Variants in ZNF407 observed in about 807,000 individuals in gnomAD.
The protein encoded by ZNF407 is zinc finger protein 407.
A neutral mutation model predicts 131.2 loss-of-function variants in ZNF407; 17 were observed. The ratio of observed to expected loss-of-function variants is 0.13; its 90% CI spans 0.09 to 0.19. ZNF407 has a LOEUF of 0.19. ZNF407 is among the 10% of genes least tolerant of loss of function. ZNF407 has a pLI of 1.00. For missense variants in ZNF407, 2,681 were observed against 2,830.6 expected (o/e 0.95, Z 1.20); for synonymous variants, 1,156 against 1,062.0 (o/e 1.09, Z -1.72).
At chr18:75,036,762 C>A (rs1430466162) in intron 8 of ZNF407, among the ~76,000 whole-genome samples, 2 of 152,176 alleles carry the variant, frequency 1.3e-5, no homozygotes, top group African/African-American at 4.8e-5. Context: ...AGAAACCCTG[C>A]AATTTATATG....
At chr18:74,941,439 C>A (rs1311186226) in intron 8 of ZNF407, among the ~76,000 whole-genome samples, 3 of 152,134 alleles carry the variant, frequency 2.0e-5, no homozygotes, top group Non-Finnish European at 2.9e-5. Context: ...GTAGCTCCAG[C>A]TTGTAGTAGG....
intron 3 of ZNF407, among the ~76,000 whole-genome samples, chr18:74,739,229 G>A (rs1337488661): frequency 6.6e-6 from 1 of 151,122 alleles, no homozygotes; most frequent in Non-Finnish European, 1.5e-5. Context: ...TTTGAATTTA[G>A]GCATATCCAG....
chr18:74,630,239 C>T (rs1428073614), intron 1 of ZNF407, among the ~76,000 whole-genome samples: 1 of 145,644 alleles, frequency 6.9e-6, no homozygotes, highest in African/African-American at 2.6e-5. Flanking sequence ...GGTGCAATCT[C>T]GGCTCACTGC....
At chr18:74,900,057 A>T (rs1467853600) in intron 7 of ZNF407, among the ~76,000 whole-genome samples, 1 of 152,304 alleles carries the variant, frequency 6.6e-6, no homozygotes, top group South Asian at 2.1e-4. Flanking sequence ...TCTGAAATGT[A>T]CTTTAATGTT....
intron 8 of ZNF407, among the ~76,000 whole-genome samples, chr18:74,930,340 C>T (rs1406239769): frequency 6.6e-6 from 1 of 152,186 alleles, no homozygotes; most frequent in Non-Finnish European, 1.5e-5. Context: ...GTCCGCCTGG[C>T]CCATGGAGTG....
In ZNF407 at chr18:74,635,100, A is replaced by G. The variant is rs746807695; in HGVS notation, c.4081A>G (p.Ile1361Val). 115 of 1,613,838 alleles carry G rather than the reference A, an allele frequency of 7.1e-5. No individual in the cohort carries two copies. Among genetic ancestry groups the G allele is most frequent in the Admixed American group, 1.0e-4 (6 of 59,996 alleles). ...TTTTGGTCGATTTGACTCCTCCATA[A>G]TAAGAATAAAGAACCCTGAAGATGG... ...YSFGRFDSSI[I>V]RIKNPEDGEL... Residue 1361 changes from isoleucine to valine, a missense_variant, in exon 2 of 9, where the codon ATA (isoleucine) becomes GTA (valine). By Grantham distance (29) the Ile-to-Val change is conservative (BLOSUM62 3). Coordinates refer to ENST00000299687, the MANE Select transcript of ZNF407 (RefSeq NM_017757.3). The surrounding 1 kb of genome is among the most constrained non-coding windows in gnomAD (Gnocchi z 4.7).
chr18:74,854,694 A>G (rs1970834284), intron 4 of ZNF407, among the ~76,000 whole-genome samples: 1 of 152,132 alleles, frequency 6.6e-6, no homozygotes, highest in South Asian at 2.1e-4. Context: ...AACAATATAT[A>G]TTACACACCC....
In ZNF407 at chr18:75,063,274, A is replaced by G; in HGVS notation, c.5553A>G (p.Arg1851=). 6.2e-7 allele frequency: 1 copy of G among 1,613,654 alleles called. No individual in the cohort carries two copies. The highest frequency in any genetic ancestry group is 8.5e-7 in the Non-Finnish European group (1 of 1,179,864). ...EEPLVKEKPL[R]SSRRPAPPPE... ...CCCTCGTCAAGGAGAAGCCCCTCAGAAGCAGCAGGAGGCCAGCGCCGCCCC... is the reference window on the plus strand; with the variant it reads ...CCCTCGTCAAGGAGAAGCCCCTCAGGAGCAGCAGGAGGCCAGCGCCGCCCC... The change falls in exon 9 of 9, where the codon AGA becomes AGG. Residue 1851 remains arginine, a synonymous_variant. Coordinates refer to ENST00000299687, the MANE Select transcript of ZNF407 (RefSeq NM_017757.3). This position sits in a 1 kb window ranked among gnomAD's most constrained non-coding sequence, Gnocchi z 6.6.
intron 5 of ZNF407, among the ~76,000 whole-genome samples, chr18:74,879,950 G>A (rs1050313321): frequency 2.0e-5 from 3 of 152,166 alleles, no homozygotes; most frequent in African/African-American, 7.2e-5. Flanking sequence ...CACAAGTTAA[G>A]TTTCTATTAT....
chr18:74,695,242 G>A (rs1967323000), intron 3 of ZNF407, among the ~76,000 whole-genome samples: 1 of 152,158 alleles, frequency 6.6e-6, no homozygotes, highest in South Asian at 2.1e-4. Flanking sequence ...ATATGTTGCT[G>A]AAATTAGCTG....
chr18:74,894,691 A>G (rs894515718), intron 7 of ZNF407, among the ~76,000 whole-genome samples: 3 of 152,164 alleles, frequency 2.0e-5, no homozygotes, highest in Non-Finnish European at 4.4e-5. Context: ...TAAAGCACTG[A>G]TAAGTCATGA....
intron 4 of ZNF407, among the ~76,000 whole-genome samples, chr18:74,814,007 A>G (rs1246525067): frequency 5.3e-5 from 8 of 152,114 alleles, no homozygotes; most frequent in Admixed American, 4.6e-4. Context: ...TCTGTGTTGG[A>G]TGTGTGGTTC....
At chr18:74,650,944 T>G (rs1354582059) in intron 3 of ZNF407, among the ~76,000 whole-genome samples, 2 of 152,134 alleles carry the variant, frequency 1.3e-5, no homozygotes, top group Non-Finnish European at 2.9e-5. Flanking sequence ...TGTCTATCTA[T>G]CTATCTATCT....
intron 4 of ZNF407, among the ~76,000 whole-genome samples, chr18:74,829,872 A>G (rs1970458995): frequency 6.6e-6 from 1 of 151,732 alleles, no homozygotes; most frequent in Admixed American, 6.6e-5. Context: ...TTACATTGTT[A>G]TGGACTCAGT....
At chr18:74,992,722 CTG>C (rs1972733226) in intron 8 of ZNF407, among the ~76,000 whole-genome samples, 1 of 152,142 alleles carries the variant, frequency 6.6e-6, no homozygotes, top group Admixed American at 6.5e-5. Context: ...TTGCAGAAAA[CTG>C]TGACAAGGCC....
In ZNF407 at chr18:74,807,876, T is replaced by A. The variant is rs551424855; in HGVS notation, c.4877+26374T>A. On this transcript the variant is annotated intron_variant, in intron 4 of 8. Coordinates refer to ENST00000299687, the MANE Select transcript of ZNF407 (RefSeq NM_017757.3). Reference sequence around the variant, plus strand: ...CACATACATTGATGTAAGGTTTTTTTAATTGTTTTATTTTTAAAAAATAAA... The same window carrying A: ...CACATACATTGATGTAAGGTTTTTTAAATTGTTTTATTTTTAAAAAATAAA... Among the ~76,000 whole-genome samples, 566 of 152,322 alleles carry A rather than the reference T, an allele frequency of 3.7e-3. 1 individual carries two copies. Among genetic ancestry groups the A allele is most frequent in the Non-Finnish European group, 4.4e-3 (301 of 68,026 alleles).
At chr18:74,864,599 C>G (rs1339903687) in intron 4 of ZNF407, among the ~76,000 whole-genome samples, 1 of 152,076 alleles carries the variant, frequency 6.6e-6, no homozygotes, top group East Asian at 1.9e-4. Flanking sequence ...ATTTCTTAAT[C>G]CATAATTTTT....
rs1984361426 is a variant in ZNF407 at position 74,634,798 on chromosome 18, C to T, written c.3779C>T (p.Ala1260Val). 4 of 1,613,996 alleles carry T rather than the reference C, an allele frequency of 2.5e-6. No homozygotes were observed. The highest frequency in any genetic ancestry group is 3.4e-6 in the Non-Finnish European group (4 of 1,179,892). ...GTGACGCTCGATGGGGAGCGCTCGG[C>T]TGAAAGCCCTGTGCTCGTTGTGACA... Reference protein sequence around the residue: ...CPVTLDGERSAESPVLVVTRI... With the variant: ...CPVTLDGERSVESPVLVVTRI... The change falls in exon 2 of 9, where the codon GCT (alanine) becomes GTT (valine). Residue 1260 changes from alanine to valine, a missense_variant. By Grantham distance (64) the Ala-to-Val change is moderately conservative (BLOSUM62 0). This residue lies in a region of ZNF407 where 1,789 missense variants were observed against 1,748.7 expected (regional missense o/e 1.02). Coordinates refer to ENST00000299687, the MANE Select transcript of ZNF407 (RefSeq NM_017757.3).
At chr18:74,615,073 T>A (rs1983226849) in intron 1 of ZNF407, among the ~76,000 whole-genome samples, 2 of 152,202 alleles carry the variant, frequency 1.3e-5, no homozygotes, top group Admixed American at 6.5e-5. Context: ...ATGCTTACTT[T>A]CTTCTGTCAG....
Sources: allele counts gnomAD v4.1 joint callset (sites outside exome capture counted in the v4.1 genomes callset), GRCh38; gene constraint gnomAD v4.1.1; regional missense constraint gnomAD v4.1.1; non-coding constraint Gnocchi (gnomAD v3.1); transcripts MANE v1.5; gene names NCBI Gene and HGNC (gene_info 2026-07-23, HGNC 2026-07-21).